The following RICTOR variants were observed in gnomAD, a reference collection of about 807,000 sequenced individuals.
RICTOR encodes the protein RPTOR independent companion of MTOR complex 2.
RICTOR carries 49 observed loss-of-function variants against 214.9 expected under a neutral mutation model. The observed-to-expected ratio is 0.23, with a 90% CI of 0.18 to 0.29. The LOEUF (loss-of-function observed/expected upper bound fraction) is 0.29, where lower values mean the gene tolerates loss of function less well. Among genes scored for constraint, RICTOR ranks in the 10% least tolerant of loss-of-function variants. RICTOR has a pLI of 1.00. For synonymous variants in RICTOR, 717 were observed against 711.3 expected, an observed-to-expected ratio of 1.01 and a Z score of -0.13; for missense variants, 1,625 against 2,047.0, an observed-to-expected ratio of 0.79 and a Z score of 3.98.
chr5:39,011,434 A>G (rs1323812055), intron 3 of RICTOR, among the ~76,000 whole-genome samples: 1 of 152,148 alleles, frequency 6.6e-6, no homozygotes, highest in Non-Finnish European at 1.5e-5. Context: ...CCCCACACAA[A>G]GTCCCCACTG....
chr5:38,953,973 G>A (rs547471655), intron 27 of RICTOR, among the ~76,000 whole-genome samples: 11 of 151,928 alleles, frequency 7.2e-5, no homozygotes, highest in Middle Eastern at 3.4e-3. Flanking sequence ...TACTATGTAA[G>A]TAGTAACACT....
At position 38,939,096 on chromosome 5, in the gene RICTOR, TGACA is replaced by T. The variant is rs1299859205; in HGVS notation, c.*3204_*3207del. 4.3e-6 allele frequency: 1 copy of T among 233,030 alleles called. No homozygotes were observed. The highest frequency in any genetic ancestry group is 1.8e-4 in the South Asian group (1 of 5,526). 14.4% of individuals were successfully genotyped at this position (233,030 alleles called of 1,614,324 possible). A position where few individuals can be genotyped will look rare whatever the true frequency, so the allele number is the denominator to read the frequency against. On this transcript the variant is annotated 3_prime_UTR_variant, in exon 38 of 38. Coordinates refer to ENST00000357387, the MANE Select transcript of RICTOR (RefSeq NM_152756.5). The stretch of plus-strand genomic sequence containing the variant: ...AAAATAACTGCAGTTATAATTTGAA[TGACA>T]GACAATTTGGTTTTTATTGCTTAAT...
Position 38,942,299 on chromosome 5 carries a change from T to C in RICTOR, c.*5A>G. 1.3e-6 allele frequency: 2 copies of C among 1,557,886 alleles called. No individual in the cohort carries two copies. Among genetic ancestry groups the C allele is most frequent in the Non-Finnish European group, 1.8e-6 (2 of 1,134,054 alleles). On this transcript the variant is annotated 3_prime_UTR_variant, in exon 38 of 38. Transcript: ENST00000357387. ...TATGTATCTATATCCATCATAAATA[T>C]GAGGTCAGGATTCAGCAGATGTATC...
chr5:39,003,487 A>C, intron 4 of RICTOR, 71 bp downstream of exon 4: 1 of 956,586 alleles, frequency 1.0e-6, no homozygotes, highest in African/African-American at 1.7e-5. Context: ...TTCTATTTCT[A>C]GTTTAAAATT....
rs572502452 is a variant in RICTOR, at chr5:39,058,109, C to A, written c.97+16002G>T. On this transcript the variant is annotated intron_variant, in intron 2 of 37. Transcript: ENST00000357387. ...ATACCCGGTTTAAATTTCTCGGAGACAAGCACCAAAAGAAAGGCAGTGGAA... is the reference window on the plus strand; with the variant it reads ...ATACCCGGTTTAAATTTCTCGGAGAAAAGCACCAAAAGAAAGGCAGTGGAA... Among the ~76,000 whole-genome samples the A allele has an allele frequency of 1.3e-4, 20 of 152,048 alleles. No homozygotes were observed. In the South Asian group the frequency reaches 4.2e-3, roughly 32 times the overall value.
rs1561541723 is a variant in RICTOR at position 39,021,869 on chromosome 5, G to A, written c.98-733C>T. ...ATAGCTGTTTGATAGCATGGCTACA[G>A]TGTAGTAAAAGGGACGAAATATACT... On this transcript the variant is annotated intron_variant, in intron 2 of 37. Transcript: ENST00000357387. Among the ~76,000 whole-genome samples the A allele has an allele frequency of 2.0e-5, 3 of 152,302 alleles. No individual in the cohort carries two copies. In the East Asian group the frequency reaches 5.8e-4, roughly 29 times the overall value.
At chr5:38,954,574 T>C (rs1749073671) in intron 27 of RICTOR, 200 bp downstream of exon 27, 1 of 481,576 alleles carries the variant, frequency 2.1e-6, no homozygotes, top group Non-Finnish European at 3.7e-6. Flanking sequence ...AGTTAATGCA[T>C]TGCAAGGCCA....
chr5:39,005,091 A>ACTCTTTTAAAGACATCTTTC (rs1753950146), intron 3 of RICTOR, among the ~76,000 whole-genome samples: 1 of 151,294 alleles, frequency 6.6e-6, no homozygotes, highest in Non-Finnish European at 1.5e-5. Flanking sequence ...TCTCACTCAG[A>ACTCTTTTAAAGACATCTTTC]CTCTTTTAAA....
chr5:38,961,645 T>A (rs1749805422), intron 19 of RICTOR, among the ~76,000 whole-genome samples: 2 of 152,168 alleles, frequency 1.3e-5, no homozygotes, highest in African/African-American at 4.8e-5. Context: ...AGTACTATGC[T>A]TTTTTATTTC....
At chr5:39,023,267 G>T (rs572619651) in intron 2 of RICTOR, among the ~76,000 whole-genome samples, 123 of 151,494 alleles carry the variant, frequency 8.1e-4, no homozygotes, top group Non-Finnish European at 1.4e-3. Flanking sequence ...CTAGACCTAG[G>T]CAGATTATAA....
intron 31 of RICTOR, among the ~76,000 whole-genome samples, chr5:38,948,170 C>G (rs1210654706): frequency 7.2e-5 from 11 of 152,064 alleles, no homozygotes; most frequent in Admixed American, 6.6e-5. Flanking sequence ...TGTATATATA[C>G]AAGGCACTAT....
Position 38,960,524 on chromosome 5 carries a change from T to C in RICTOR, c.1725A>G (p.Arg575=), listed in dbSNP as rs756750137. ...YKDEQLHRFV[R]RLLYFYKPSS... ...TGGGCTTGTAAAAATAAAGTAGTCT[T>C]CGTACAAACCTAAAATCAAAACACA... Residue 575 remains arginine, a synonymous_variant, in exon 20 of 38, where the codon CGA becomes CGG. Transcript: ENST00000357387. The C allele has an allele frequency of 1.9e-6, 3 of 1,613,176 alleles. No individual in the cohort carries two copies. The Admixed American group carries it at 5.0e-5, about 27-fold the overall frequency.
At chr5:39,054,080 T>C (rs957465700) in intron 2 of RICTOR, among the ~76,000 whole-genome samples, 1 of 151,774 alleles carries the variant, frequency 6.6e-6, no homozygotes, top group Non-Finnish European at 1.5e-5. Flanking sequence ...AGACTCCGTC[T>C]CAAAAAAGAA....
intron 8 of RICTOR, 135 bp from the exon 9 acceptor site, chr5:38,978,785 A>G (rs1388643253): frequency 4.1e-6 from 2 of 493,192 alleles, no homozygotes; most frequent in Admixed American, 3.7e-5. Flanking sequence ...CTTCTAACTC[A>G]TCATCAGGGA....
intron 2 of RICTOR, among the ~76,000 whole-genome samples, chr5:39,063,198 G>A (rs1758670677): frequency 6.6e-6 from 1 of 152,118 alleles, no homozygotes; most frequent in African/African-American, 2.4e-5. Context: ...CTTGGGTCTG[G>A]AATGCAGACA....
intron 6 of RICTOR, among the ~76,000 whole-genome samples, chr5:38,995,331 T>C (rs1440425194): frequency 2.6e-5 from 4 of 152,122 alleles, no homozygotes; most frequent in African/African-American, 9.7e-5. Flanking sequence ...CCAAATATTG[T>C]ATGTTCCCTG....
chr5:39,036,191 C>G (rs1401807600), intron 2 of RICTOR, among the ~76,000 whole-genome samples: 1 of 152,102 alleles, frequency 6.6e-6, no homozygotes, highest in Non-Finnish European at 1.5e-5. Context: ...AATATTCAAC[C>G]CAGAATTTCA....
chr5:39,074,247 C>T, intron 1 of RICTOR, 82 bp downstream of exon 1: 1 of 1,583,956 alleles, frequency 6.3e-7, no homozygotes, highest in Non-Finnish European at 8.6e-7. Flanking sequence ...CCGGCTCGCT[C>T]CCCAACCCAG....
chr5:39,063,572 A>AT (rs1440550473), intron 2 of RICTOR, among the ~76,000 whole-genome samples: 1 of 151,938 alleles, frequency 6.6e-6, no homozygotes, highest in Non-Finnish European at 1.5e-5. Flanking sequence ...CCTATCTCCC[A>AT]TTTTTTCTGA....
Sources: allele counts gnomAD v4.1 joint callset (sites outside exome capture counted in the v4.1 genomes callset), GRCh38; gene constraint gnomAD v4.1.1; transcripts MANE v1.5; gene names NCBI Gene and HGNC (gene_info 2026-07-23, HGNC 2026-07-21).